Variants in PTPRN2 observed in about 807,000 individuals in gnomAD.
PTPRN2 encodes the protein receptor-type tyrosine-protein phosphatase N2.
A neutral mutation model predicts 118.8 loss-of-function variants in PTPRN2; 74 were observed. The observed-to-expected ratio is 0.62, with a 90% CI of 0.52 to 0.76. The LOEUF is 0.76. PTPRN2 is among the 30% of genes least tolerant of loss of function. The probability of loss-of-function intolerance (pLI) is 0.00; values close to 1 mark genes in which losing one functional copy is unlikely to be tolerated. For missense variants in PTPRN2, 1,481 were observed against 1,394.4 expected (o/e 1.06, Z -0.99); for synonymous variants, 641 against 608.0 (o/e 1.05, Z -0.80).
At chr7:157,976,321 G>A (rs528492299) in intron 11 of PTPRN2, among the ~76,000 whole-genome samples, 7 of 152,310 alleles carry the variant, frequency 4.6e-5, no homozygotes, top group South Asian at 2.1e-4. Context: ...GAGACCCAGC[G>A]GCTCCTCTGG....
intron 3 of PTPRN2, among the ~76,000 whole-genome samples, chr7:158,297,354 G>A (rs1196255503): frequency 1.3e-5 from 2 of 152,210 alleles, no homozygotes; most frequent in Non-Finnish European, 1.5e-5. Flanking sequence ...AAAGGGATCT[G>A]CCAGAAACCC....
Position 158,058,270 on chromosome 7 carries a change from C to T in PTPRN2, c.1723+23028G>A, listed in dbSNP as rs190973813. On this transcript the variant is annotated intron_variant, in intron 11 of 22. Transcript: ENST00000389418. ...CCACGGTGACACATCACTGCAGCCA[C>T]GCCCCATCTGCCCACGGTGAGACAT... Among the ~76,000 whole-genome samples, 234 of 147,846 alleles carry T rather than the reference C, an allele frequency of 1.6e-3. 1 individual carries two copies. Among genetic ancestry groups the T allele is most frequent in the African/African-American group, 5.5e-3 (220 of 39,768 alleles).
chr7:158,375,472 C>T (rs887678707), intron 2 of PTPRN2, among the ~76,000 whole-genome samples: 2 of 152,230 alleles, frequency 1.3e-5, no homozygotes, highest in African/African-American at 4.8e-5. Context: ...TGGGACAGCA[C>T]AGCTGAACAT....
At chr7:158,465,530 A>G (rs1039431904) in intron 2 of PTPRN2, among the ~76,000 whole-genome samples, 3 of 152,230 alleles carry the variant, frequency 2.0e-5, no homozygotes, top group Admixed American at 2.0e-4. Context: ...TACTGTACTA[A>G]ATATTTTATT....
intron 3 of PTPRN2, among the ~76,000 whole-genome samples, chr7:158,282,103 A>T (rs1466726376): frequency 6.6e-6 from 1 of 151,750 alleles, no homozygotes; most frequent in Non-Finnish European, 1.5e-5. Flanking sequence ...GAAGCCCTGA[A>T]CTCAAGTCAA....
intron 11 of PTPRN2, among the ~76,000 whole-genome samples, chr7:157,937,175 T>G (rs1375180963): frequency 6.6e-6 from 1 of 152,158 alleles, no homozygotes; most frequent in Non-Finnish European, 1.5e-5. Flanking sequence ...ACCTGGAACT[T>G]GCCGTGAGCA....
intron 14 of PTPRN2, among the ~76,000 whole-genome samples, chr7:157,634,160 G>C (rs144037351): frequency 2.7e-4 from 41 of 152,282 alleles, no homozygotes; most frequent in African/African-American, 9.6e-4. Flanking sequence ...CAGCTCTTTA[G>C]CTTGCAAAAT....
At chr7:158,142,649 C>T (rs1324962767) in intron 6 of PTPRN2, among the ~76,000 whole-genome samples, 1 of 152,212 alleles carries the variant, frequency 6.6e-6, no homozygotes, top group South Asian at 2.1e-4. Context: ...AACCCCCACA[C>T]ATCAGCCCTC....
chr7:158,081,296 ACCTGTGG>A lies in PTPRN2; in HGVS notation c.1718_1723+1del. Reference sequence around the variant, plus strand: ...TGTACGTGTGTGTGGAAACAGCCTCACCTGTGGCCTTCTCCACATCCTCAGTGGTCAC... The same window carrying A: ...TGTACGTGTGTGTGGAAACAGCCTCACCTTCTCCACATCCTCAGTGGTCAC... On this transcript the variant is annotated splice_donor_variant and coding_sequence_variant, in exon 11 of 23. Transcript: ENST00000389418. LOFTEE classifies it high-confidence loss of function. 6.2e-7 allele frequency: 1 copy of A among 1,613,352 alleles called. No homozygotes were observed. The highest frequency in any genetic ancestry group is 1.1e-5 in the South Asian group (1 of 91,050).
chr7:157,732,410 C>T (rs1451702383), intron 12 of PTPRN2, among the ~76,000 whole-genome samples: 1 of 24,784 alleles, frequency 4.0e-5, no homozygotes, highest in Non-Finnish European at 7.0e-5. Context: ...GCACAGTTAC[C>T]CTTTTCCGCC....
chr7:158,210,883 T>A (rs894580623), intron 3 of PTPRN2, among the ~76,000 whole-genome samples: 1 of 152,160 alleles, frequency 6.6e-6, no homozygotes, highest in African/African-American at 2.4e-5. Flanking sequence ...TTTTACCAAA[T>A]ATTTAAAGAA....
chr7:158,151,062 C>T (rs1241909619), intron 6 of PTPRN2, among the ~76,000 whole-genome samples: 2 of 121,014 alleles, frequency 1.7e-5, no homozygotes, highest in Non-Finnish European at 3.6e-5. Context: ...CCACACTGCC[C>T]GCCTTTCCAC....
intron 18 of PTPRN2, 32 bp downstream of exon 18, chr7:157,577,989 G>T (rs777932901): frequency 5.2e-6 from 8 of 1,548,706 alleles, no homozygotes; most frequent in Non-Finnish European, 6.2e-6. Flanking sequence ...CCGGCTGGTG[G>T]GTCCTGCCCT....
intron 12 of PTPRN2, chr7:157,854,579 G>T (rs60566601): frequency 0.17 from 25,197 of 152,500 alleles, 2,197 homozygotes; most frequent in Middle Eastern, 0.3. Context: ...AACAAATGGG[G>T]CAAGAGAGGC....
intron 2 of PTPRN2, among the ~76,000 whole-genome samples, chr7:158,444,789 A>G (rs1817611438): frequency 6.6e-6 from 1 of 152,162 alleles, no homozygotes; most frequent in Non-Finnish European, 1.5e-5. Context: ...ACATGCACAG[A>G]AGCCAGGTCC....
rs144444282 is a variant in PTPRN2, at chr7:158,020,497, C to T, written c.1723+60801G>A. ...CGAGGGCACAGAAGTGGGGTTTGGC[C>T]TGCATCCTACGTCCCGAGGTCACTG... On this transcript the variant is annotated intron_variant, in intron 11 of 22. Coordinates refer to ENST00000389418, the MANE Select transcript of PTPRN2 (RefSeq NM_002847.5). Among the ~76,000 whole-genome samples the T allele has an allele frequency of 1.8e-3, 271 of 152,308 alleles. 2 individuals carry two copies. Among genetic ancestry groups the T allele is most frequent in the Admixed American group, 5.2e-3 (79 of 15,304 alleles).
chr7:157,951,364 C>T (rs760030993), intron 11 of PTPRN2, among the ~76,000 whole-genome samples: 1 of 152,152 alleles, frequency 6.6e-6, no homozygotes. Context: ...GTAAGAACAG[C>T]GAAGAGAACT....
chr7:158,506,910 C>G (rs551685783), intron 1 of PTPRN2, among the ~76,000 whole-genome samples: 2,391 of 152,310 alleles, frequency 0.016, 24 homozygotes, highest in Non-Finnish European at 0.024. Flanking sequence ...CAGCCCAGCC[C>G]GGAGCAGCCA....
At chr7:158,162,557 C>T (rs1184936888) in intron 6 of PTPRN2, among the ~76,000 whole-genome samples, 1 of 151,962 alleles carries the variant, frequency 6.6e-6, no homozygotes, top group Non-Finnish European at 1.5e-5. Flanking sequence ...ACTATGGAGA[C>T]AGCAACAAGG....
Sources: gnomAD v4.1 joint callset for allele counts (sites outside exome capture counted in the v4.1 genomes callset) on GRCh38, gnomAD v4.1.1 for gene constraint, MANE v1.5 for transcripts, NCBI Gene and HGNC (gene_info 2026-07-23, HGNC 2026-07-21) for gene names.